The following SLC22A3 variants were observed in gnomAD, a reference collection of about 807,000 sequenced individuals.
SLC22A3 encodes the protein solute carrier family 22 member 3.
SLC22A3 carries 51 observed loss-of-function variants against 59.1 expected under a neutral mutation model. The ratio of observed to expected loss-of-function variants is 0.86; its 90% CI spans 0.69 to 1.09. The LOEUF (loss-of-function observed/expected upper bound fraction) is 1.09. Among genes scored for constraint, SLC22A3 ranks in the 50% least tolerant of loss-of-function variants. The pLI is 0.00. For missense variants in SLC22A3, 711 were observed against 726.3 expected (o/e 0.98, Z 0.24); for synonymous variants, 325 against 292.0 (o/e 1.11, Z -1.15).
At position 160,451,317 on chromosome 6, in the gene SLC22A3, T is replaced by A. The variant is rs193175180; in HGVS notation, c.*261T>A. 25 of 451,504 alleles carry A rather than the reference T, an allele frequency of 5.5e-5. No homozygotes were observed. In the East Asian group the frequency reaches 9.5e-4, roughly 17 times the overall value. 28.0% of individuals were successfully genotyped at this position (451,504 alleles called of 1,614,324 possible). A position where few individuals can be genotyped will look rare whatever the true frequency, so the allele number is the denominator to read the frequency against. ...TGTCAGGTGCACAGCCCTTCCTGGGTTTTTTTCTTGTGTTCCCTGTGGTCT... is the reference window on the plus strand; with the variant it reads ...TGTCAGGTGCACAGCCCTTCCTGGGATTTTTTCTTGTGTTCCCTGTGGTCT... On this transcript the variant is annotated 3_prime_UTR_variant, in exon 11 of 11. Transcript: ENST00000275300.
intron 5 of SLC22A3, among the ~76,000 whole-genome samples, chr6:160,420,882 C>T (rs996654550): frequency 4.6e-5 from 7 of 152,340 alleles, no homozygotes; most frequent in African/African-American, 9.6e-5. Context: ...ATCTGCTTGC[C>T]AGCCGTTCCC....
chr6:160,420,967 G>A (rs116848695), intron 5 of SLC22A3, among the ~76,000 whole-genome samples: 15 of 152,070 alleles, frequency 9.9e-5, no homozygotes, highest in East Asian at 1.9e-4. Context: ...CCCTTCCTCC[G>A]CAGAGCCTCA....
chr6:160,398,943 T>C, intron 2 of SLC22A3, among the ~76,000 whole-genome samples: 1 of 152,220 alleles, frequency 6.6e-6, no homozygotes, highest in East Asian at 1.9e-4. Context: ...TGGGTTCTTG[T>C]GACTGTACCA....
chr6:160,377,512 G>A (rs1298497442), intron 1 of SLC22A3, among the ~76,000 whole-genome samples: 2 of 151,606 alleles, frequency 1.3e-5, no homozygotes, highest in Non-Finnish European at 1.5e-5. Context: ...ACAGGGAAAC[G>A]TTTGCAAAGC....
chr6:160,424,379 GA>G (rs1787873157), intron 5 of SLC22A3, among the ~76,000 whole-genome samples: 1 of 152,172 alleles, frequency 6.6e-6, no homozygotes, highest in African/African-American at 2.4e-5. Flanking sequence ...TGGTCTCAAA[GA>G]ACAGAAGTGA....
At chr6:160,356,886 T>C (rs1199418725) in intron 1 of SLC22A3, among the ~76,000 whole-genome samples, 1 of 152,238 alleles carries the variant, frequency 6.6e-6, no homozygotes, top group Non-Finnish European at 1.5e-5. Context: ...CATGCTGTTA[T>C]TTCTCTTCGT....
rs988953408 is a variant in SLC22A3 at position 160,415,149 on chromosome 6, T to A, written c.975+4303T>A. Among the ~76,000 whole-genome samples, 2 of 152,212 alleles carry A rather than the reference T, an allele frequency of 1.3e-5. No homozygotes were observed. Among genetic ancestry groups the A allele is most frequent in the Non-Finnish European group, 2.9e-5 (2 of 68,038 alleles). ...CAGCGTAAGCAGAAAAGCAAAGTGT[T>A]ATCTTCAAGAGAAGGATTTAACATT... is the stretch of plus-strand genomic sequence containing the variant. On this transcript the variant is annotated intron_variant, in intron 5 of 10. Transcript: ENST00000275300. This position sits in a 1 kb window ranked among gnomAD's most constrained non-coding sequence, Gnocchi z 4.1.
intron 1 of SLC22A3, among the ~76,000 whole-genome samples, chr6:160,394,838 C>T (rs73590806): frequency 0.015 from 2,345 of 152,304 alleles, 45 homozygotes; most frequent in African/African-American, 0.054. Context: ...TCCCTTTGCC[C>T]CCATGTGGCC....
At chr6:160,383,700 C>A (rs1356324346) in intron 1 of SLC22A3, among the ~76,000 whole-genome samples, 4 of 152,150 alleles carry the variant, frequency 2.6e-5, no homozygotes, top group Non-Finnish European at 5.9e-5. Flanking sequence ...TAGGTGTCCT[C>A]TTCTGACATT....
intron 7 of SLC22A3, among the ~76,000 whole-genome samples, chr6:160,438,579 A>AAC (rs536527195): frequency 2.2e-5 from 2 of 91,996 alleles, no homozygotes; most frequent in Non-Finnish European, 4.0e-5. Flanking sequence ...CAATATTCGG[A>AAC]ACACACACAC....
rs1220606233 is a variant in SLC22A3 at position 160,407,176 on chromosome 6, G to C, written c.669G>C (p.Trp223Cys). The change falls in exon 3 of 11, where the codon TGG becomes TGC. Residue 223 changes from tryptophan to cysteine, a missense_variant. Coordinates refer to ENST00000275300, the MANE Select transcript of SLC22A3 (RefSeq NM_021977.4). ...AAGGTGTATTTGGAAAGGGGACGTGGATGACTTGCTACGTGATTGGTAAGA... is the reference window on the plus strand; with the variant it reads ...AAGGTGTATTTGGAAAGGGGACGTGCATGACTTGCTACGTGATTGGTAAGA... ...FLQGVFGKGTWMTCYVIVTEI... is the reference protein window; with the variant it reads ...FLQGVFGKGTCMTCYVIVTEI... 6.2e-7 allele frequency: 1 copy of C among 1,610,572 alleles called. No individual in the cohort carries two copies. The highest frequency in any genetic ancestry group is 8.5e-7 in the Non-Finnish European group (1 of 1,178,294).
chr6:160,362,637 C>A (rs1464282775), intron 1 of SLC22A3, among the ~76,000 whole-genome samples: 1 of 152,180 alleles, frequency 6.6e-6, no homozygotes, highest in Non-Finnish European at 1.5e-5. Flanking sequence ...AGGGACACCG[C>A]GGGATGTCCA....
Position 160,410,802 on chromosome 6 carries a change from A to T in SLC22A3, c.931A>T (p.Ile311Phe), listed in dbSNP as rs748506224. 4.3e-6 allele frequency: 7 copies of T among 1,612,964 alleles called. No individual in the cohort carries two copies. In the South Asian group the frequency reaches 7.7e-5, roughly 18 times the overall value. The change falls in exon 5 of 11, where the codon ATT (isoleucine) becomes TTT (phenylalanine). Residue 311 changes from isoleucine (I) to phenylalanine (F), a missense_variant. Physicochemically the swap from Ile to Phe is conservative, Grantham distance 21. Coordinates refer to ENST00000275300, the MANE Select transcript of SLC22A3 (RefSeq NM_021977.4). ...GDKALQILRRIAKCNGKYLSS... is the reference protein window; with the variant it reads ...GDKALQILRRFAKCNGKYLSS... ...TAAAGCATTACAGATCCTGAGACGC[A>T]TTGCTAAGTGCAATGGGAAATACCT...
chr6:160,431,762 T>C (rs1788158683), intron 5 of SLC22A3, among the ~76,000 whole-genome samples: 1 of 152,178 alleles, frequency 6.6e-6, no homozygotes, highest in Non-Finnish European at 1.5e-5. Context: ...AAATATTCAG[T>C]TATTAAAGGA....
chr6:160,436,592 C>G (rs1383959456), intron 5 of SLC22A3, among the ~76,000 whole-genome samples, 188 bp from the exon 6 acceptor site: 1 of 152,144 alleles, frequency 6.6e-6, no homozygotes, highest in African/African-American at 2.4e-5. Flanking sequence ...TGCAGCAATC[C>G]TATCTTTGTG....
In SLC22A3 at chr6:160,443,676, A is replaced by C; in HGVS notation, c.1444A>C (p.Ile482Leu). Residue 482 changes from isoleucine to leucine, a missense_variant, in exon 9 of 11, where the codon ATC becomes CTC. Transcript: ENST00000275300. ...TTCAGGTCTGTGTGATTTTGGGGGA[A>C]TCATAGCCCCATTTCTGCTCTTTCG... ...LCSGLCDFGG[I>L]IAPFLLFRLA... The C allele has an allele frequency of 6.2e-7, 1 of 1,614,022 alleles. No homozygotes were observed. The highest frequency in any genetic ancestry group is 8.5e-7 in the Non-Finnish European group (1 of 1,179,942).
rs1386227670 is a variant in SLC22A3, at chr6:160,348,589, C to A, written c.170C>A (p.Ala57Glu). ...TACTGGTGCCGCGGGCCAAGTGCCG[C>A]GGCGCTGGCCGAGCGCTGCGGCTGG... ...DHYWCRGPSA[A>E]ALAERCGWSP... The change falls in exon 1 of 11, where the codon GCG becomes GAG. Residue 57 changes from alanine to glutamate, a missense_variant. Coordinates refer to ENST00000275300, the MANE Select transcript of SLC22A3 (RefSeq NM_021977.4). 1 of 1,519,416 alleles carries A rather than the reference C, an allele frequency of 6.6e-7. No homozygotes were observed. The highest frequency in any genetic ancestry group is 2.0e-5 in the Admixed American group (1 of 49,236). 94.1% of individuals were successfully genotyped at this position (1,519,416 alleles called of 1,614,324 possible). A position where few individuals can be genotyped will look rare whatever the true frequency, so the allele number is the denominator to read the frequency against.
intron 5 of SLC22A3, among the ~76,000 whole-genome samples, chr6:160,422,456 T>C (rs1787777719): frequency 6.6e-6 from 1 of 152,196 alleles, no homozygotes; most frequent in African/African-American, 2.4e-5. Context: ...TGGGTTGTGT[T>C]GGCATAGCAA....
intron 1 of SLC22A3, among the ~76,000 whole-genome samples, chr6:160,390,058 T>C (rs1416998506): frequency 6.6e-6 from 1 of 152,234 alleles, no homozygotes; most frequent in African/African-American, 2.4e-5. Context: ...ATTAACTTAC[T>C]TAGAACTAAT....
Sources: gnomAD v4.1 joint callset for allele counts (sites outside exome capture counted in the v4.1 genomes callset) on GRCh38, gnomAD v4.1.1 for gene constraint, Gnocchi (gnomAD v3.1) non-coding constraint, MANE v1.5 for transcripts, NCBI Gene and HGNC (gene_info 2026-07-23, HGNC 2026-07-21) for gene names.